TDRD9: variants seen among roughly 807,000 people sequenced by gnomAD.
TDRD9 encodes the protein ATP-dependent RNA helicase TDRD9.
Under a neutral mutation model 172.6 loss-of-function variants are expected in TDRD9, and 124 were observed. The observed-to-expected ratio is 0.72, with a 90% CI of 0.62 to 0.83. The LOEUF (loss-of-function observed/expected upper bound fraction) is 0.83. Ranked by LOEUF, TDRD9 falls within the 40% of genes least tolerant of loss-of-function variation. TDRD9 has a pLI of 0.00. For missense variants in TDRD9, 1,479 were observed against 1,714.1 expected, an observed-to-expected ratio of 0.86 and a Z score of 2.42; for synonymous variants, 619 against 617.1, an observed-to-expected ratio of 1.00 and a Z score of -0.05.
intron 2 of TDRD9, 41 bp from the exon 3 acceptor site, chr14:103,963,038 T>A: frequency 5.0e-6 from 6 of 1,210,390 alleles, no homozygotes; most frequent in Non-Finnish European, 4.7e-6. Flanking sequence ...TTTTTCCAGA[T>A]AAGAAATGGC....
intron 2 of TDRD9, among the ~76,000 whole-genome samples, chr14:103,956,105 A>AT (rs2032200400): frequency 2.5e-5 from 1 of 39,562 alleles, no homozygotes; most frequent in Non-Finnish European, 4.4e-5. Context: ...AAAAAAAAAA[A>AT]AAAAAAATAT....
chr14:104,045,625 T>G (rs537349613), intron 34 of TDRD9, among the ~76,000 whole-genome samples: 8 of 152,348 alleles, frequency 5.3e-5, no homozygotes, highest in South Asian at 2.1e-4. Flanking sequence ...GGTTTGAATG[T>G]GATATGTTTG....
Position 104,014,966 on chromosome 14 carries a change from T to C in TDRD9, c.2223+125T>C, listed in dbSNP as rs2034741995. 9 of 551,254 alleles carry C rather than the reference T, an allele frequency of 1.6e-5. No individual in the cohort carries two copies. In the South Asian group the frequency reaches 2.3e-4, roughly 14 times the overall value. The allele number at this position is 551,254 out of a possible 1,614,324, so 34.1% of individuals were successfully genotyped here. A position where few individuals can be genotyped will look rare whatever the true frequency, so the allele number is the denominator to read the frequency against. The stretch of plus-strand genomic sequence containing the variant: ...AACCTCAAAGGAGATTTTAGGTCCA[T>C]AGTGTTCATACTGCGTTTGGGAACC... On this transcript the variant is annotated intron_variant, in intron 21 of 35. Coordinates refer to ENST00000409874, the MANE Select transcript of TDRD9 (RefSeq NM_153046.3).
intron 9 of TDRD9, among the ~76,000 whole-genome samples, chr14:103,991,958 C>A (rs1056739928): frequency 6.6e-6 from 1 of 151,962 alleles, no homozygotes; most frequent in Non-Finnish European, 1.5e-5. Context: ...TTGCCACCTT[C>A]GAAATTTCCA....
intron 23 of TDRD9, among the ~76,000 whole-genome samples, chr14:104,018,469 G>A (rs2034858366): frequency 1.3e-5 from 2 of 152,220 alleles, no homozygotes; most frequent in African/African-American, 2.4e-5. Flanking sequence ...TGCTAAGGCG[G>A]ATTCTCTTAA....
Position 104,046,032 on chromosome 14 carries a change from C to T in TDRD9, c.3975-3576C>T, listed in dbSNP as rs527783546. On this transcript the variant is annotated intron_variant, in intron 34 of 35. Transcript: ENST00000409874. Reference sequence around the variant, plus strand: ...AGTACAGTGGTGCAGTCTCGACTCACTGCAGCCTCCACCTCCTGGGTTCAA... The same window carrying T: ...AGTACAGTGGTGCAGTCTCGACTCATTGCAGCCTCCACCTCCTGGGTTCAA... 2.0e-5 allele frequency among the ~76,000 whole-genome samples: 3 copies of T among 152,338 alleles called. No individual in the cohort carries two copies. In the South Asian group the frequency reaches 6.2e-4, roughly 32 times the overall value.
At chr14:104,030,527 T>TA (rs1290370064) in intron 28 of TDRD9, among the ~76,000 whole-genome samples, 1 of 152,330 alleles carries the variant, frequency 6.6e-6, no homozygotes, top group East Asian at 1.9e-4. Flanking sequence ...CAAAAAACTG[T>TA]AAAAAATGTT....
intron 15 of TDRD9, among the ~76,000 whole-genome samples, chr14:104,005,896 T>C (rs1423193913): frequency 6.6e-6 from 1 of 152,224 alleles, no homozygotes; most frequent in East Asian, 1.9e-4. Flanking sequence ...TACTGCAGCC[T>C]CAAACACTGG....
At chr14:103,946,618 T>G (rs1240348166) in intron 1 of TDRD9, among the ~76,000 whole-genome samples, 2 of 152,234 alleles carry the variant, frequency 1.3e-5, no homozygotes, top group South Asian at 2.1e-4. Flanking sequence ...TTATCTCTGT[T>G]TGCAGATGAT....
At chr14:103,970,295 A>G (rs973370741) in intron 5 of TDRD9, among the ~76,000 whole-genome samples, 45 of 151,870 alleles carry the variant, frequency 3.0e-4, no homozygotes, top group Non-Finnish European at 5.6e-4. Context: ...GCAGAACATT[A>G]CTCTGCCGTC....
Position 103,955,705 on chromosome 14 carries a change from A to G in TDRD9, c.257A>G (p.Lys86Arg), listed in dbSNP as rs902638724. 1 of 1,551,470 alleles carries G rather than the reference A, an allele frequency of 6.4e-7. No homozygotes were observed. The part of the protein sequence containing the change: ...QRSSEVEYIN[K>R]YRQLEAQELD... ...AGCTCAGAAGTAGAGTATATTAACA[A>G]ATACAGACAGCTCGAAGCACAAGAG... Residue 86 changes from lysine (K) to arginine (R), a missense_variant, in exon 2 of 36, where the codon AAA (lysine) becomes AGA (arginine). Physicochemically the swap from Lys to Arg is conservative, Grantham distance 26. Coordinates refer to ENST00000409874, the MANE Select transcript of TDRD9 (RefSeq NM_153046.3).
rs368349185 is a variant in TDRD9, at chr14:104,042,180, C to G, written c.3967C>G (p.Leu1323Val). The G allele has an allele frequency of 6.2e-7, 1 of 1,609,620 alleles. No individual in the cohort carries two copies. Among genetic ancestry groups the G allele is most frequent in the Non-Finnish European group, 8.5e-7 (1 of 1,176,108 alleles). ...GCTTCAAGACATTGCCCGTCAGAAG[C>G]TTTTAGGGTAAGCTGTGTGATGACG... is the stretch of plus-strand genomic sequence containing the variant. ...AQLQDIARQK[L>V]LGLFCQSKPR... is the part of the protein sequence containing the mutation. The change falls in exon 34 of 36, where the codon CTT becomes GTT. Residue 1323 changes from leucine (L) to valine (V), a missense_variant. Leu to Val is a conservative substitution (Grantham distance 32). This residue lies in a region of TDRD9 where 1,413 missense variants were observed against 1,649.1 expected (regional missense o/e 0.86). Coordinates refer to ENST00000409874, the MANE Select transcript of TDRD9 (RefSeq NM_153046.3).
intron 8 of TDRD9, among the ~76,000 whole-genome samples, chr14:103,989,877 G>A (rs552963747): frequency 4.1e-4 from 62 of 152,364 alleles, no homozygotes; most frequent in African/African-American, 1.4e-3. Flanking sequence ...CCTCTTGCCC[G>A]TCTGGTGACT....
intron 12 of TDRD9, among the ~76,000 whole-genome samples, chr14:103,998,159 T>G (rs2034121063): frequency 7.0e-6 from 1 of 143,874 alleles, no homozygotes; most frequent in African/African-American, 2.6e-5. Flanking sequence ...CATGCACACT[T>G]CTACCCACCC....
intron 2 of TDRD9, among the ~76,000 whole-genome samples, chr14:103,958,246 A>C (rs10149734): frequency 0.38 from 58,309 of 151,966 alleles, 11,399 homozygotes; most frequent in African/African-American, 0.43. Context: ...GGAAAGTAAC[A>C]GTTGAGCTTT....
At chr14:103,969,495 A>G (rs979876112) in intron 5 of TDRD9, among the ~76,000 whole-genome samples, 1 of 152,186 alleles carries the variant, frequency 6.6e-6, no homozygotes, top group African/African-American at 2.4e-5. Context: ...ATTTATGATG[A>G]TGTTAAATAC....
intron 1 of TDRD9, among the ~76,000 whole-genome samples, chr14:103,938,833 A>G (rs1324696507): frequency 6.6e-6 from 1 of 152,142 alleles, no homozygotes; most frequent in East Asian, 1.9e-4. Flanking sequence ...TCAGGAAGTT[A>G]TTTGTATTAA....
At chr14:104,016,607 G>A (rs2034800709) in intron 22 of TDRD9, among the ~76,000 whole-genome samples, 1 of 152,144 alleles carries the variant, frequency 6.6e-6, no homozygotes, top group Admixed American at 6.5e-5. Flanking sequence ...CAGCATTCAA[G>A]TAGTGTGTAC....
intron 34 of TDRD9, among the ~76,000 whole-genome samples, chr14:104,048,770 A>G (rs976978425): frequency 6.6e-6 from 1 of 152,054 alleles, no homozygotes; most frequent in African/African-American, 2.4e-5. Flanking sequence ...GCTGGCCCCA[A>G]GCAGGATGTG....
Sources: gnomAD v4.1 joint callset for allele counts (sites outside exome capture counted in the v4.1 genomes callset) on GRCh38, gnomAD v4.1.1 for gene constraint, gnomAD v4.1.1 regional missense constraint, MANE v1.5 for transcripts, NCBI Gene and HGNC (gene_info 2026-07-23, HGNC 2026-07-21) for gene names.